The following TERF2 variants were observed in gnomAD, a reference collection of about 807,000 sequenced individuals.
TERF2 encodes telomeric repeat-binding factor 2.
Under a neutral mutation model 56.1 loss-of-function variants are expected in TERF2, and 16 were observed. The ratio of observed to expected loss-of-function variants is 0.29; its 90% CI spans 0.19 to 0.43. The LOEUF (loss-of-function observed/expected upper bound fraction) is 0.43. Among genes scored for constraint, TERF2 ranks in the 20% least tolerant of loss-of-function variants. The pLI, the probability that TERF2 is intolerant of heterozygous loss-of-function variation, is 1.00. For synonymous variants in TERF2, 296 were observed against 282.1 expected (o/e 1.05, Z -0.50); for missense variants, 547 against 712.9 (o/e 0.77, Z 2.65).
At chr16:69,372,794 G>C (rs2013626376) in intron 3 of TERF2, among the ~76,000 whole-genome samples, 1 of 152,034 alleles carries the variant, frequency 6.6e-6, no homozygotes, top group South Asian at 2.1e-4. Context: ...TATTGTTCAA[G>C]TGTTATGAAC....
chr16:69,385,024 C>T (rs1413473740), intron 2 of TERF2, among the ~76,000 whole-genome samples: 1 of 152,064 alleles, frequency 6.6e-6, no homozygotes, highest in Admixed American at 6.5e-5. Flanking sequence ...CTGACAACAG[C>T]TAAATAGCTT....
At chr16:69,382,250 T>C (rs1234902770) in intron 3 of TERF2, among the ~76,000 whole-genome samples, 7 of 152,248 alleles carry the variant, frequency 4.6e-5, no homozygotes. Flanking sequence ...AGATTCAATA[T>C]ACTTTTAAAT....
chr16:69,375,751 T>C (rs954376417), intron 3 of TERF2, among the ~76,000 whole-genome samples: 28 of 152,152 alleles, frequency 1.8e-4, no homozygotes, highest in African/African-American at 3.6e-4. Context: ...TGCCCCACTA[T>C]CAGTATTTTT....
intron 8 of TERF2, among the ~76,000 whole-genome samples, chr16:69,360,320 G>C (rs2013085774): frequency 6.6e-6 from 1 of 151,860 alleles, no homozygotes; most frequent in South Asian, 2.1e-4. Flanking sequence ...GGAAGGCGGA[G>C]GTTGCAGTGA....
intron 7 of TERF2, chr16:69,365,790 T>A (rs746410510): frequency 2.0e-5 from 3 of 152,440 alleles, no homozygotes; most frequent in Non-Finnish European, 4.4e-5. Flanking sequence ...CCTCCCAAAG[T>A]GCTGGGATTA....
At chr16:69,361,553 G>A in intron 7 of TERF2, 64 bp from the exon 8 acceptor site, 1 of 1,203,996 alleles carries the variant, frequency 8.3e-7, no homozygotes, top group Non-Finnish European at 1.2e-6. Context: ...CCCAGATTCT[G>A]GTCTTGGCTC....
Position 69,382,471 on chromosome 16 carries a change from G to C in TERF2, c.606+2109C>G, listed in dbSNP as rs191593797. ...GCCAACCTCAAAGGCAGCCCCCAAT[G>C]CGCCTCACCTCTTGCGGAGTCCCAT... On this transcript the variant is annotated intron_variant, in intron 3 of 9. Transcript: ENST00000254942. 1.8e-3 allele frequency among the ~76,000 whole-genome samples: 275 copies of C among 152,306 alleles called. 1 individual carries two copies. The highest frequency in any genetic ancestry group is 3.3e-3 in the Non-Finnish European group (226 of 68,022).
rs368311936 is a variant in TERF2, at chr16:69,356,119, A to G, written c.*779T>C. 3.7e-5 allele frequency: 16 copies of G among 433,220 alleles called. No individual in the cohort carries two copies. Among genetic ancestry groups the G allele is most frequent in the East Asian group, 1.4e-4 (2 of 14,274 alleles). The allele number at this position is 433,220 out of a possible 1,614,324, so 26.8% of individuals were successfully genotyped here. A position where few individuals can be genotyped will look rare whatever the true frequency, so the allele number is the denominator to read the frequency against. On this transcript the variant is annotated 3_prime_UTR_variant, in exon 10 of 10. Coordinates refer to ENST00000254942, the MANE Select transcript of TERF2 (RefSeq NM_005652.5). Reference sequence around the variant, plus strand: ...TTCCACAAGGACTGGTCTGTCATCAACCTGGGTTCATAACAGACTAAGTTC... The same window carrying G: ...TTCCACAAGGACTGGTCTGTCATCAGCCTGGGTTCATAACAGACTAAGTTC...
intron 3 of TERF2, 28 bp downstream of exon 3, chr16:69,384,552 G>C: frequency 6.2e-7 from 1 of 1,605,560 alleles, no homozygotes; most frequent in Middle Eastern, 1.7e-4. Flanking sequence ...TTTGGTCAAA[G>C]AAAAAAGATA....
At chr16:69,367,633 C>T (rs2013402454) in intron 6 of TERF2, among the ~76,000 whole-genome samples, 1 of 152,068 alleles carries the variant, frequency 6.6e-6, no homozygotes, top group Admixed American at 6.6e-5. Context: ...TGAGAAACTG[C>T]CTTTTAAAAA....
chr16:69,361,346 A>T, intron 8 of TERF2, 58 bp downstream of exon 8: 1 of 1,202,762 alleles, frequency 8.3e-7, no homozygotes, highest in Non-Finnish European at 1.2e-6. Flanking sequence ...CATGACAGTA[A>T]CACGCATCTG....
chr16:69,381,454 A>G (rs879893720), intron 3 of TERF2, among the ~76,000 whole-genome samples: 1 of 152,138 alleles, frequency 6.6e-6, no homozygotes, highest in Non-Finnish European at 1.5e-5. Context: ...TATGCAGCAG[A>G]AACATTTTAG....
chr16:69,377,319 C>T (rs2013831647), intron 3 of TERF2, among the ~76,000 whole-genome samples: 1 of 151,550 alleles, frequency 6.6e-6, no homozygotes, highest in Non-Finnish European at 1.5e-5. Context: ...TGAACATGAA[C>T]ATTCAGTCTT....
intron 6 of TERF2, 55 bp downstream of exon 6, chr16:69,368,321 C>A (rs2013429011): frequency 1.3e-6 from 2 of 1,558,698 alleles, no homozygotes; most frequent in African/African-American, 1.4e-5. Flanking sequence ...GAGGAGACTG[C>A]TTCCAGCGAC....
intron 9 of TERF2, 29 bp from the exon 10 acceptor site, chr16:69,357,085 C>A: frequency 6.3e-7 from 1 of 1,592,752 alleles, no homozygotes. Context: ...AGATTTATTA[C>A]CACCTTTCCT....
rs75821785 is a variant in TERF2, at chr16:69,374,694, G to A, written c.607-2339C>T. On this transcript the variant is annotated intron_variant, in intron 3 of 9. Coordinates refer to ENST00000254942, the MANE Select transcript of TERF2 (RefSeq NM_005652.5). ...AAAAAAAAAAAAAAAAGGGCCAGGC[G>A]CAGTGGCTCGCGCCTGTAATCCCAG... Among the ~76,000 whole-genome samples the A allele has an allele frequency of 6.1e-3, 751 of 123,216 alleles. 5 individuals are homozygous for A. The highest frequency in any genetic ancestry group is 0.022 in the African/African-American group (717 of 33,028). The allele number at this position is 123,216 out of a possible 152,430, so 80.8% of individuals were successfully genotyped here. A position where few individuals can be genotyped will look rare whatever the true frequency, so the allele number is the denominator to read the frequency against.
intron 7 of TERF2, 147 bp downstream of exon 7, chr16:69,366,660 G>A (rs1023182971): frequency 1.8e-5 from 20 of 1,082,320 alleles, no homozygotes; most frequent in Middle Eastern, 3.1e-4. Flanking sequence ...CGTCGTCACT[G>A]GCCACTCCTG....
At chr16:69,383,290 T>C (rs1371461740) in intron 3 of TERF2, among the ~76,000 whole-genome samples, 1 of 152,224 alleles carries the variant, frequency 6.6e-6, no homozygotes, top group African/African-American at 2.4e-5. Flanking sequence ...TTCAGATTTT[T>C]GGATTTGGGA....
Position 69,384,697 on chromosome 16 carries a change from A to G in TERF2, c.489T>C (p.Asp163=), listed in dbSNP as rs141175751. ...EEGENLDCSF[D]MEAELTPLES... Reference sequence around the variant, plus strand: ...CCAGTGGTGTGAGCTCAGCCTCCATATCAAAGGAACAGTCTAGGACAAAGC... The same window carrying G: ...CCAGTGGTGTGAGCTCAGCCTCCATGTCAAAGGAACAGTCTAGGACAAAGC... The change falls in exon 3 of 10, where the codon GAT becomes GAC. Residue 163 remains aspartate (D), a synonymous_variant. Coordinates refer to ENST00000254942, the MANE Select transcript of TERF2 (RefSeq NM_005652.5). 8.2e-5 allele frequency: 133 copies of G among 1,613,904 alleles called. No homozygotes were observed. The highest frequency in any genetic ancestry group is 1.0e-4 in the Non-Finnish European group (123 of 1,179,972).
Sources: allele counts gnomAD v4.1 joint callset (sites outside exome capture counted in the v4.1 genomes callset), GRCh38; gene constraint gnomAD v4.1.1; transcripts MANE v1.5; gene names NCBI Gene and HGNC (gene_info 2026-07-23, HGNC 2026-07-21).